CXCL8: variants seen among roughly 807,000 people sequenced by gnomAD.
CXCL8 encodes the protein interleukin-8.
A neutral mutation model predicts 10.9 loss-of-function variants in CXCL8; 12 were observed. The ratio of observed to expected loss-of-function variants is 1.10; its 90% confidence interval spans 0.71 to 1.79. The LOEUF is 1.79. Among genes scored for constraint, CXCL8 ranks in the 40% most tolerant of loss-of-function variants. The pLI, the probability that CXCL8 is intolerant of heterozygous loss-of-function variation, is 0.00. For synonymous variants in CXCL8, 41 were observed against 39.6 expected (o/e 1.03, Z -0.13); for missense variants, 145 against 113.4 (o/e 1.28, Z -1.26).
chr4:73,743,046 G>A lies in CXCL8; in HGVS notation c.*582G>A, dbSNP rs1729223767. 3 of 229,774 alleles carry A rather than the reference G, an allele frequency of 1.3e-5. No homozygotes were observed. In the Admixed American group the frequency reaches 1.7e-4, roughly 13 times the overall value. The allele number at this position is 229,774 out of a possible 1,614,324, so 14.2% of individuals were successfully genotyped here. On this transcript the variant is annotated 3_prime_UTR_variant, in exon 4 of 4. Coordinates refer to ENST00000307407, the MANE Select transcript of CXCL8 (RefSeq NM_000584.4). Reference sequence around the variant, plus strand: ...TCTTACCTCACAGTGATGTTGTGAGGACATGTGGAAGCACTTTAAGTTTTT... The same window carrying A: ...TCTTACCTCACAGTGATGTTGTGAGAACATGTGGAAGCACTTTAAGTTTTT...
At position 73,743,270 on chromosome 4, in the gene CXCL8, G is replaced by A. The variant is rs2227546; in HGVS notation, c.*806G>A. On this transcript the variant is annotated 3_prime_UTR_variant, in exon 4 of 4. Transcript: ENST00000307407. ...GTTTTATTAGATAAATTTCAATCAGGGTTTTTAGATTAAACAAACAAACAA... is the reference window on the plus strand; with the variant it reads ...GTTTTATTAGATAAATTTCAATCAGAGTTTTTAGATTAAACAAACAAACAA... The A allele has an allele frequency of 1.4e-3, 308 of 216,892 alleles. 1 individual carries two copies. The highest frequency in any genetic ancestry group is 6.2e-3 in the African/African-American group (278 of 44,620). 13.4% of individuals were successfully genotyped at this position (216,892 alleles called of 1,614,324 possible).
At chr4:73,741,849 T>C in intron 2 of CXCL8, 100 bp from the exon 3 acceptor site, 3 of 1,099,082 alleles carry the variant, frequency 2.7e-6, no homozygotes, top group Admixed American at 1.9e-5. Context: ...ACAACTACTA[T>C]AAATGTTATT....
chr4:73,741,527 T>A lies in CXCL8; in HGVS notation c.65-15T>A. The stretch of plus-strand genomic sequence containing the variant: ...GTTGATAAAATCAATCCTTAATCAC[T>A]TTTTCCCCCAACAGGTGCAGTTTTG... On this transcript the variant is annotated splice_polypyrimidine_tract_variant and intron_variant, in intron 1 of 3. Transcript: ENST00000307407. The A allele has an allele frequency of 5.0e-6, 8 of 1,607,972 alleles. No homozygotes were observed. Among genetic ancestry groups the A allele is most frequent in the Non-Finnish European group, 6.8e-6 (8 of 1,176,164 alleles).
chr4:73,742,359 T>C (rs933968075), intron 3 of CXCL8, 90 bp from the exon 4 acceptor site: 27 of 650,230 alleles, frequency 4.2e-5, no homozygotes, highest in African/African-American at 7.5e-5. Flanking sequence ...TTCTAACACA[T>C]GAATGTCAAA....
rs1199797201 is a variant in CXCL8, at chr4:73,740,763, A to G, written c.64+41A>G. 6 of 1,533,114 alleles carry G rather than the reference A, an allele frequency of 3.9e-6. No individual in the cohort carries two copies. In the African/African-American group the frequency reaches 6.9e-5, roughly 18 times the overall value. The allele number at this position is 1,533,114 out of a possible 1,614,324, so 95.0% of individuals were successfully genotyped here. A position where few individuals can be genotyped will look rare whatever the true frequency, so the allele number is the denominator to read the frequency against. On this transcript the variant is annotated intron_variant, in intron 1 of 3. Transcript: ENST00000307407. ...TGACCTACAGCGTTTTCCTATGTCT[A>G]AATGTGATCCTTAGATAGCAAAGCT... is the stretch of plus-strand genomic sequence containing the variant.
At chr4:73,740,775 T>C (rs2149422854) in intron 1 of CXCL8, 53 bp downstream of exon 1, 1 of 1,431,778 alleles carries the variant, frequency 7.0e-7, no homozygotes, top group Non-Finnish European at 9.8e-7. Flanking sequence ...ATGTGATCCT[T>C]AGATAGCAAA....
chr4:73,741,825 ATATGGT>A, intron 2 of CXCL8, 118 bp from the exon 3 acceptor site: 1 of 1,053,340 alleles, frequency 9.5e-7, no homozygotes, highest in Non-Finnish European at 1.4e-6. Context: ...TGACATTTAA[ATATGGT>A]AGCTTCCACA....
intron 1 of CXCL8, 93 bp downstream of exon 1, chr4:73,740,815 C>G: frequency 1.0e-6 from 1 of 982,104 alleles, no homozygotes; most frequent in East Asian, 2.6e-5. Context: ...TAACAAACAT[C>G]CTTTTTATTC....
rs1342611557 is a variant in CXCL8, at chr4:73,742,656, A to G, written c.*192A>G. ...CATTGTACCATGAAATATCCAGAACATACTTATATGTAAAGTATTATTTAT... is the reference window on the plus strand; with the variant it reads ...CATTGTACCATGAAATATCCAGAACGTACTTATATGTAAAGTATTATTTAT... On this transcript the variant is annotated 3_prime_UTR_variant, in exon 4 of 4. Transcript: ENST00000307407. The G allele has an allele frequency of 2.4e-6, 1 of 414,070 alleles. No individual in the cohort carries two copies. The highest frequency in any genetic ancestry group is 3.6e-5 in the East Asian group (1 of 27,466). 25.6% of individuals were successfully genotyped at this position (414,070 alleles called of 1,614,324 possible). A position where few individuals can be genotyped will look rare whatever the true frequency, so the allele number is the denominator to read the frequency against.
rs1309414674 is a variant in CXCL8 at position 73,743,064 on chromosome 4, A to G, written c.*600A>G. On this transcript the variant is annotated 3_prime_UTR_variant, in exon 4 of 4. Transcript: ENST00000307407. ...TTGTGAGGACATGTGGAAGCACTTT[A>G]AGTTTTTTCATCATAACATAAATTA... 2 of 229,242 alleles carry G rather than the reference A, an allele frequency of 8.7e-6. No homozygotes were observed. The highest frequency in any genetic ancestry group is 1.7e-5 in the Non-Finnish European group (2 of 115,666). 14.2% of individuals were successfully genotyped at this position (229,242 alleles called of 1,614,324 possible). A position where few individuals can be genotyped will look rare whatever the true frequency, so the allele number is the denominator to read the frequency against.
intron 1 of CXCL8, among the ~76,000 whole-genome samples, chr4:73,741,110 A>G (rs760464674): frequency 2.0e-5 from 3 of 152,160 alleles, no homozygotes; most frequent in Non-Finnish European, 4.4e-5. Context: ...TTTGTCATTA[A>G]TTCCTGTCTG....
At chr4:73,742,414 C>T (rs1217660987) in intron 3 of CXCL8, 35 bp from the exon 4 acceptor site, 1 of 1,065,992 alleles carries the variant, frequency 9.4e-7, no homozygotes, top group Non-Finnish European at 1.4e-6. Flanking sequence ...TCTTATTAAA[C>T]ATAGCTCATC....
rs71532822 is a variant in CXCL8, at chr4:73,743,014, G to A, written c.*550G>A. ...TTATTTCTAAGTGGAAAAAGTATTA[G>A]CCACCATCTTACCTCACAGTGATGT... On this transcript the variant is annotated 3_prime_UTR_variant, in exon 4 of 4. Coordinates refer to ENST00000307407, the MANE Select transcript of CXCL8 (RefSeq NM_000584.4). The A allele has an allele frequency of 4.3e-6, 1 of 230,492 alleles. No individual in the cohort carries two copies. The highest frequency in any genetic ancestry group is 8.6e-6 in the Non-Finnish European group (1 of 116,368). 14.3% of individuals were successfully genotyped at this position (230,492 alleles called of 1,614,324 possible).
Position 73,742,648 on chromosome 4 carries a change from T to C in CXCL8, c.*184T>C. Reference sequence around the variant, plus strand: ...TAGTTTTTCATTGTACCATGAAATATCCAGAACATACTTATATGTAAAGTA... The same window carrying C: ...TAGTTTTTCATTGTACCATGAAATACCCAGAACATACTTATATGTAAAGTA... On this transcript the variant is annotated 3_prime_UTR_variant, in exon 4 of 4. Transcript: ENST00000307407. 2.3e-6 allele frequency: 1 copy of C among 431,602 alleles called. No individual in the cohort carries two copies. Among genetic ancestry groups the C allele is most frequent in the Non-Finnish European group, 4.3e-6 (1 of 234,670 alleles). The allele number at this position is 431,602 out of a possible 1,614,324, so 26.7% of individuals were successfully genotyped here.
At position 73,743,339 on chromosome 4, in the gene CXCL8, A is replaced by G. The variant is rs1729233136; in HGVS notation, c.*875A>G. 1 of 211,728 alleles carries G rather than the reference A, an allele frequency of 4.7e-6. No homozygotes were observed. The highest frequency in any genetic ancestry group is 9.6e-6 in the Non-Finnish European group (1 of 104,472). 13.1% of individuals were successfully genotyped at this position (211,728 alleles called of 1,614,324 possible). On this transcript the variant is annotated 3_prime_UTR_variant, in exon 4 of 4. Coordinates refer to ENST00000307407, the MANE Select transcript of CXCL8 (RefSeq NM_000584.4). ...TTTCATTTCAGATAAACAACAAATA[A>G]TTTTTTAGTATAAGTACATTATTGT...
chr4:73,741,100 T>C (rs1371780834), intron 1 of CXCL8, among the ~76,000 whole-genome samples: 5 of 152,190 alleles, frequency 3.3e-5, no homozygotes, highest in Non-Finnish European at 7.4e-5. Flanking sequence ...AAGCCTCAGA[T>C]TTGTCATTAA....
chr4:73,742,455 G>A lies in CXCL8; in HGVS notation c.291G>A (p.Glu97=), dbSNP rs1387053277. The A allele has an allele frequency of 2.1e-6, 3 of 1,441,962 alleles. No homozygotes were observed. The highest frequency in any genetic ancestry group is 4.7e-5 in the East Asian group (2 of 42,606). The allele number at this position is 1,441,962 out of a possible 1,614,324, so 89.3% of individuals were successfully genotyped here. A position where few individuals can be genotyped will look rare whatever the true frequency, so the allele number is the denominator to read the frequency against. ...RVVEKFLKRA[E]NS ...ATTTTTAATTTTATTTTAGGGCTGA[G>A]AATTCATAAAAAAATTCATTCTCTG... The change falls in exon 4 of 4, where the codon GAG becomes GAA. Residue 97 remains glutamate, a synonymous_variant. Coordinates refer to ENST00000307407, the MANE Select transcript of CXCL8 (RefSeq NM_000584.4).
rs769909977 is a variant in CXCL8, at chr4:73,741,597, C to T, written c.120C>T (p.Tyr40=). The part of the protein sequence containing the change: ...KELRCQCIKT[Y]SKPFHPKFIK... ...TTAGATGTCAGTGCATAAAGACATA[C>T]TCCAAACCTTTCCACCCCAAATTTA... The change falls in exon 2 of 4, where the codon TAC becomes TAT. Residue 40 remains tyrosine (Y), a synonymous_variant. Transcript: ENST00000307407. The T allele has an allele frequency of 7.4e-6, 12 of 1,613,286 alleles. No individual in the cohort carries two copies. In the Admixed American group the frequency reaches 1.8e-4, roughly 25 times the overall value.
In CXCL8 at chr4:73,740,739, G is replaced by T; in HGVS notation, c.64+17G>T. ...TGTGTGAAGGTAAGCACATCTTTCTGACCTACAGCGTTTTCCTATGTCTAA... is the reference window on the plus strand; with the variant it reads ...TGTGTGAAGGTAAGCACATCTTTCTTACCTACAGCGTTTTCCTATGTCTAA... On this transcript the variant is annotated intron_variant, in intron 1 of 3. Transcript: ENST00000307407. 6.2e-7 allele frequency: 1 copy of T among 1,609,106 alleles called. No individual in the cohort carries two copies. Among genetic ancestry groups the T allele is most frequent in the South Asian group, 1.1e-5 (1 of 90,754 alleles).
Sources: gnomAD v4.1 joint callset for allele counts (sites outside exome capture counted in the v4.1 genomes callset) on GRCh38, gnomAD v4.1.1 for gene constraint, MANE v1.5 for transcripts, NCBI Gene and HGNC (gene_info 2026-07-23, HGNC 2026-07-21) for gene names.